The following DST variants were observed in gnomAD, a reference collection of about 807,000 sequenced individuals.
DST encodes the protein bullous pemphigoid antigen.
DST carries 253 observed loss-of-function variants against 875.2 expected under a neutral mutation model. That is an observed-to-expected ratio of 0.29 (90% CI 0.26 to 0.32). DST has a LOEUF of 0.32. Among genes scored for constraint, DST ranks in the 10% least tolerant of loss-of-function variants. The pLI is 1.00. For missense variants in DST, 8,287 were observed against 9,111.6 expected (o/e 0.91, Z 3.68); for synonymous variants, 3,124 against 3,197.1 (o/e 0.98, Z 0.77).
rs200110255 is a variant in DST, at chr6:56,608,728, A to T, written c.5900T>A (p.Ile1967Lys). The T allele has an allele frequency of 1.9e-4, 300 of 1,610,950 alleles. No individual in the cohort carries two copies. The highest frequency in any genetic ancestry group is 2.5e-4 in the Non-Finnish European group (295 of 1,178,550). ...GRITLKCGRN[I>K]SILRAAHEGL... ...TTCATGAGCTGCTCTTAAAATGCTT[A>T]TGTTTCTTCCACATTTTAATGTTAT... Residue 1967 changes from isoleucine (I) to lysine (K), a missense_variant, in exon 40 of 104, where the codon ATA (isoleucine) becomes AAA (lysine). This residue lies in a region of DST where 3,138 missense variants were observed against 3,116.6 expected (regional missense o/e 1.01). Transcript: ENST00000680361.
intron 36 of DST, chr6:56,619,038 T>C (rs1319390724): frequency 1.9e-5 from 31 of 1,614,090 alleles, no homozygotes; most frequent in Non-Finnish European, 2.5e-5. Flanking sequence ...TGGTCACACT[T>C]TTGCTTAAAT....
chr6:56,814,521 A>C (rs1591021187), intron 4 of DST, among the ~76,000 whole-genome samples: 1 of 152,200 alleles, frequency 6.6e-6, no homozygotes, highest in Non-Finnish European at 1.5e-5. Flanking sequence ...TAATAAGTCT[A>C]TGACAGACCA....
At chr6:56,560,900 A>G (rs1457874669) in intron 57 of DST, among the ~76,000 whole-genome samples, 2 of 152,134 alleles carry the variant, frequency 1.3e-5, no homozygotes, top group Non-Finnish European at 2.9e-5. Context: ...CATTTTCCCA[A>G]CCTTGGCAGC....
intron 4 of DST, among the ~76,000 whole-genome samples, chr6:56,752,827 T>C (rs977491130): frequency 2.6e-5 from 4 of 152,148 alleles, no homozygotes; most frequent in African/African-American, 9.7e-5. Flanking sequence ...GTTTTGCTCT[T>C]GTTGCCCAGG....
intron 4 of DST, among the ~76,000 whole-genome samples, chr6:56,822,441 G>A (rs1266882142): frequency 6.6e-6 from 1 of 152,156 alleles, no homozygotes; most frequent in Non-Finnish European, 1.5e-5. Flanking sequence ...AGAATTTGCA[G>A]AGCAGAGAAC....
intron 61 of DST, chr6:56,541,104 A>G (rs930413484): frequency 1.3e-5 from 2 of 152,612 alleles, no homozygotes; most frequent in African/African-American, 4.8e-5. Context: ...GGTTCAACAA[A>G]AGAGCTTTCA....
chr6:56,586,941 T>A (rs1187130267), intron 49 of DST, among the ~76,000 whole-genome samples: 2 of 151,870 alleles, frequency 1.3e-5, no homozygotes, highest in Non-Finnish European at 2.9e-5. Context: ...CAAAAGTAGA[T>A]AAAACCACAA....
At chr6:56,923,592 G>C (rs1476609206) in intron 2 of DST, among the ~76,000 whole-genome samples, 1 of 152,110 alleles carries the variant, frequency 6.6e-6, no homozygotes, top group Admixed American at 6.6e-5. Context: ...TACAGGATGG[G>C]CCAGTGGTTC....
intron 50 of DST, among the ~76,000 whole-genome samples, chr6:56,575,985 T>A (rs2097857206): frequency 6.6e-6 from 1 of 152,082 alleles, no homozygotes; most frequent in Non-Finnish European, 1.5e-5. Flanking sequence ...TGCCAGGGAA[T>A]CAACCATGTG....
rs1014309 is a variant in DST, at chr6:56,572,667, T to C, written c.13554+80A>G. On this transcript the variant is annotated intron_variant, in intron 52 of 103. Coordinates refer to ENST00000680361, the MANE Select transcript of DST (RefSeq NM_001374736.1). ...AAGCAATTAAAATGATTGCCAATTA[T>C]AATTCTGGCACTAAGTATATGAGTT... The C allele has an allele frequency of 0.38, 400,121 of 1,040,924 alleles. 80,741 individuals are homozygous for C. Among genetic ancestry groups the C allele is most frequent in the Non-Finnish European group, 0.42 (308,484 of 740,228 alleles). 64.5% of individuals were successfully genotyped at this position (1,040,924 alleles called of 1,614,324 possible). A position where few individuals can be genotyped will look rare whatever the true frequency, so the allele number is the denominator to read the frequency against.
intron 3 of DST, among the ~76,000 whole-genome samples, chr6:56,896,383 T>A (rs1791299848): frequency 6.6e-6 from 1 of 152,152 alleles, no homozygotes; most frequent in South Asian, 2.1e-4. Context: ...TTTCTGCTTT[T>A]GCTTCTTCCT....
chr6:56,555,591 T>A lies in DST; in HGVS notation c.14890A>T (p.Ser4964Cys), dbSNP rs2097400837. 6.2e-7 allele frequency: 1 copy of A among 1,614,020 alleles called. No homozygotes were observed. Among genetic ancestry groups the A allele is most frequent in the African/African-American group, 1.3e-5 (1 of 75,050 alleles). Residue 4964 changes from serine to cysteine, a missense_variant, in exon 60 of 104, where the codon AGT becomes TGT. Physicochemically the swap from Ser to Cys is moderately radical, Grantham distance 112. This residue lies in a region of DST where 1,513 missense variants were observed against 1,677.8 expected (regional missense o/e 0.90). Transcript: ENST00000680361. ...SLLRSLSDKL[S>C]DLDNKLSSSL... is the part of the protein sequence containing the mutation. Reference sequence around the variant, plus strand: ...CTGCTGAGTTTATTATCCAAGTCACTCAGTTTATCAGAAAGGCTTCTCAGC... The same window carrying A: ...CTGCTGAGTTTATTATCCAAGTCACACAGTTTATCAGAAAGGCTTCTCAGC...
intron 4 of DST, among the ~76,000 whole-genome samples, chr6:56,776,487 T>TA (rs2099679453): frequency 6.6e-6 from 1 of 152,198 alleles, no homozygotes; most frequent in Non-Finnish European, 1.5e-5. Context: ...TTTAAGATGC[T>TA]AACAACAGGG....
Position 56,609,263 on chromosome 6 carries a change from T to C in DST, c.5365A>G (p.Ile1789Val), listed in dbSNP as rs757898782. ...SVFQAVLRGL[I>V]DYDTGIRLLE... ...AACCTAATTCCTGTGTCATAGTCAA[T>C]GAGGCCTCTTAAAACTGCTTGAAAG... Residue 1789 changes from isoleucine (I) to valine (V), a missense_variant, in exon 40 of 104, where the codon ATT becomes GTT. Physicochemically the swap from Ile to Val is conservative, Grantham distance 29. Transcript: ENST00000680361. The C allele has an allele frequency of 4.4e-5, 71 of 1,613,574 alleles. No homozygotes were observed. Among genetic ancestry groups the C allele is most frequent in the Non-Finnish European group, 5.6e-5 (66 of 1,179,718 alleles).
intron 95 of DST, among the ~76,000 whole-genome samples, chr6:56,470,753 T>C (rs894136648): frequency 2.7e-5 from 4 of 150,692 alleles, no homozygotes; most frequent in Non-Finnish European, 5.9e-5. Flanking sequence ...CTTGAATTTA[T>C]TGACTTCCTA....
In DST at chr6:56,636,611, T is replaced by C; in HGVS notation, c.3006A>G (p.Leu1002=). 1 of 1,613,646 alleles carries C rather than the reference T, an allele frequency of 6.2e-7. No individual in the cohort carries two copies. Among genetic ancestry groups the C allele is most frequent in the South Asian group, 1.1e-5 (1 of 91,086 alleles). Reference sequence around the variant, plus strand: ...GCTGCTCCACACACTGGCAGAGCTGTAAGATCCAGCTCCACTGCGTCTGCA... The same window carrying C: ...GCTGCTCCACACACTGGCAGAGCTGCAAGATCCAGCTCCACTGCGTCTGCA... ...AAMQTQWSWI[L]QLCQCVEQHI... Residue 1002 remains leucine (L), a synonymous_variant, in exon 23 of 104, where the codon TTA becomes TTG. Coordinates refer to ENST00000680361, the MANE Select transcript of DST (RefSeq NM_001374736.1).
Position 56,474,021 on chromosome 6 carries a change from TGTCAATCAAATAAGA to T in DST, c.21865-34_21865-20del, listed in dbSNP as rs1397005138. The T allele has an allele frequency of 3.2e-6, 5 of 1,562,194 alleles. No homozygotes were observed. Among genetic ancestry groups the T allele is most frequent in the Non-Finnish European group, 4.3e-6 (5 of 1,151,960 alleles). ...TGAAGGTCTGAAATGAAAGAAATGA[TGTCAATCAAATAAGA>T]GTTACTACAGAAAACCGTCTTTAGA... On this transcript the variant is annotated intron_variant, in intron 92 of 103. Transcript: ENST00000680361.
In DST at chr6:56,620,500, A is replaced by G. The variant is rs140427392; in HGVS notation, c.4929+4030T>C. The G allele has an allele frequency of 1.5e-5, 25 of 1,613,928 alleles. No individual in the cohort carries two copies. In the East Asian group the frequency reaches 4.2e-4, roughly 27 times the overall value. ...TCTTCTGCAGAGAGATATCTTCTACATTTCTCTGCTGCTTTCTCAATTCAT... is the reference window on the plus strand; with the variant it reads ...TCTTCTGCAGAGAGATATCTTCTACGTTTCTCTGCTGCTTTCTCAATTCAT... On this transcript the variant is annotated intron_variant, in intron 36 of 103. Transcript: ENST00000680361.
chr6:56,551,973 C>T (rs991884659), intron 61 of DST, among the ~76,000 whole-genome samples: 11 of 152,152 alleles, frequency 7.2e-5, no homozygotes, highest in African/African-American at 2.7e-4. Context: ...CTGATTTTAT[C>T]TCAGACCTTA....
Sources: gnomAD v4.1 joint callset for allele counts (sites outside exome capture counted in the v4.1 genomes callset) on GRCh38, gnomAD v4.1.1 for gene constraint, gnomAD v4.1.1 regional missense constraint, MANE v1.5 for transcripts, NCBI Gene and HGNC (gene_info 2026-07-23, HGNC 2026-07-21) for gene names.